The following SEMA3A variants were observed in gnomAD, a reference collection of about 807,000 sequenced individuals.
The protein encoded by SEMA3A is semaphorin-3A.
Under a neutral mutation model 97.9 loss-of-function variants are expected in SEMA3A, and 29 were observed. The observed-to-expected ratio is 0.30, with a 90% CI of 0.22 to 0.40. The LOEUF is 0.40. SEMA3A is among the 10% of genes least tolerant of loss of function. The probability of loss-of-function intolerance (pLI) is 1.00; values close to 1 mark genes in which losing one functional copy is unlikely to be tolerated. For synonymous variants in SEMA3A, 321 were observed against 323.7 expected (o/e 0.99, Z 0.09); for missense variants, 763 against 951.3 (o/e 0.80, Z 2.60).
upstream of SEMA3A, among the ~76,000 whole-genome samples, chr7:84,196,093 A>G (rs181086581): frequency 2.4e-3 from 369 of 152,194 alleles, 1 homozygote; most frequent in African/African-American, 8.5e-3. Flanking sequence ...TTATTCCCCA[A>G]ATGATTCTGC....
chr7:84,216,079 A>AT (rs1798747643), intron 3 of SEMA3A, among the ~76,000 whole-genome samples: 2 of 152,200 alleles, frequency 1.3e-5, no homozygotes, highest in South Asian at 4.1e-4. Context: ...ATCCTTCAGA[A>AT]TTTTTTTATT....
intron 2 of SEMA3A, among the ~76,000 whole-genome samples, chr7:84,315,471 A>G (rs1801473773): frequency 1.3e-5 from 2 of 152,164 alleles, no homozygotes; most frequent in East Asian, 3.8e-4. Context: ...ATTGTATAGA[A>G]ACAAATAAAA....
At chr7:84,198,375 T>C (rs1798286341), upstream of SEMA3A, among the ~76,000 whole-genome samples, 1 of 151,980 alleles carries the variant, frequency 6.6e-6, no homozygotes, top group Admixed American at 6.6e-5. Flanking sequence ...GTATTTTTAG[T>C]AGAGACAGGG....
chr7:84,390,369 G>A (rs986495516), intron 1 of SEMA3A, among the ~76,000 whole-genome samples: 1 of 105,350 alleles, frequency 9.5e-6, no homozygotes. Flanking sequence ...TATTATTATA[G>A]CAGCTGGGAA....
intron 2 of SEMA3A, among the ~76,000 whole-genome samples, chr7:84,359,467 C>A (rs1270788603): frequency 6.6e-6 from 1 of 152,040 alleles, no homozygotes; most frequent in South Asian, 2.1e-4. Flanking sequence ...GTTGAACCAG[C>A]CTTGCATCCC....
chr7:84,405,966 C>A (rs973086807), intron 1 of SEMA3A, among the ~76,000 whole-genome samples: 3 of 152,058 alleles, frequency 2.0e-5, no homozygotes, highest in Non-Finnish European at 4.4e-5. Context: ...AAAATTCACA[C>A]CCTAACAACA....
At chr7:84,071,118 A>G (rs1793723822) in intron 4 of SEMA3A, among the ~76,000 whole-genome samples, 1 of 152,154 alleles carries the variant, frequency 6.6e-6, no homozygotes, top group African/African-American at 2.4e-5. Context: ...ACAGTCACAC[A>G]TTGCATGTGG....
chr7:84,422,997 T>C (rs1251697416), intron 1 of SEMA3A, among the ~76,000 whole-genome samples: 2 of 152,062 alleles, frequency 1.3e-5, no homozygotes, highest in African/African-American at 4.8e-5. Context: ...CACACATTCA[T>C]TGAGCAAATA....
At chr7:84,035,550 A>T (rs2116474612) in intron 6 of SEMA3A, among the ~76,000 whole-genome samples, 1 of 152,180 alleles carries the variant, frequency 6.6e-6, no homozygotes, top group South Asian at 2.1e-4. Context: ...AGAAAAAATT[A>T]AAATCTTAAA....
At chr7:84,011,580 A>G (rs550604627) in intron 7 of SEMA3A, among the ~76,000 whole-genome samples, 23 of 152,310 alleles carry the variant, frequency 1.5e-4, no homozygotes, top group African/African-American at 5.5e-4. Context: ...GTTCATCTAC[A>G]GATCAATGGA....
At chr7:84,156,338 C>T (rs1781460559) in intron 1 of SEMA3A, among the ~76,000 whole-genome samples, 1 of 152,030 alleles carries the variant, frequency 6.6e-6, no homozygotes, top group African/African-American at 2.4e-5. Flanking sequence ...CCTTATATGA[C>T]AAAAGTAATC....
chr7:84,382,864 C>T (rs1022822162), intron 1 of SEMA3A, among the ~76,000 whole-genome samples: 8 of 151,840 alleles, frequency 5.3e-5, no homozygotes, highest in Non-Finnish European at 1.0e-4. Flanking sequence ...GGTGACAGAG[C>T]GAGACTCCAT....
At chr7:84,019,976 T>C (rs1033283172) in intron 6 of SEMA3A, among the ~76,000 whole-genome samples, 7 of 151,060 alleles carry the variant, frequency 4.6e-5, no homozygotes, top group Admixed American at 1.3e-4. Context: ...CTTCTATAAA[T>C]GAAGTAATCA....
At chr7:84,339,458 G>C (rs1443108603) in intron 2 of SEMA3A, among the ~76,000 whole-genome samples, 1 of 152,148 alleles carries the variant, frequency 6.6e-6, no homozygotes, top group Non-Finnish European at 1.5e-5. Flanking sequence ...TGAAGCTTAA[G>C]GGTTTGCAGC....
chr7:84,195,309 T>C (rs1217786056), upstream of SEMA3A: 1 of 152,220 alleles, frequency 6.6e-6, no homozygotes, highest in African/African-American at 2.4e-5. Flanking sequence ...AGCGTTGTTT[T>C]ATAGCCATTT....
chr7:84,176,469 G>C (rs571278978), intron 1 of SEMA3A, among the ~76,000 whole-genome samples: 1 of 152,270 alleles, frequency 6.6e-6, no homozygotes, highest in South Asian at 2.1e-4. Flanking sequence ...CTTCTAAGAT[G>C]TATGAGCATA....
At chr7:84,372,923 T>A (rs1803006860) in intron 1 of SEMA3A, among the ~76,000 whole-genome samples, 1 of 152,140 alleles carries the variant, frequency 6.6e-6, no homozygotes, top group South Asian at 2.1e-4. Flanking sequence ...GGCTATGAAT[T>A]TCATCATGAG....
In SEMA3A at chr7:84,208,190, T is replaced by C. The variant is rs533014654; in HGVS notation, c.-82-13522A>G. ...AAGACAAGCCTGGCACTGTGGCTCA[T>C]GACTGTAATCTCAGCACTTTGGGAG... is the stretch of plus-strand genomic sequence containing the variant. On this transcript the variant is annotated intron_variant, in intron 3 of 3. Transcript: ENST00000424555. Among the ~76,000 whole-genome samples, 35 of 152,216 alleles carry C rather than the reference T, an allele frequency of 2.3e-4. No individual in the cohort carries two copies. The South Asian group carries it at 2.7e-3, about 12-fold the overall frequency.
intron 1 of SEMA3A, among the ~76,000 whole-genome samples, chr7:84,441,868 C>T (rs1805282436): frequency 6.6e-6 from 1 of 152,118 alleles, no homozygotes; most frequent in African/African-American, 2.4e-5. Flanking sequence ...ACACCAGAGG[C>T]AATGGGCTAA....
Sources: allele counts gnomAD v4.1 joint callset (sites outside exome capture counted in the v4.1 genomes callset), GRCh38; gene constraint gnomAD v4.1.1; transcripts MANE v1.5; gene names NCBI Gene and HGNC (gene_info 2026-07-23, HGNC 2026-07-21).